Variants in BICD1 observed in about 807,000 individuals in gnomAD.
BICD1 encodes protein bicaudal D homolog 1.
A neutral mutation model predicts 92.5 loss-of-function variants in BICD1; 35 were observed. The observed-to-expected ratio is 0.38, with a 90% confidence interval of 0.29 to 0.50. BICD1 has a LOEUF of 0.50. BICD1 is among the 20% of genes least tolerant of loss of function. BICD1 has a pLI of 0.93. For missense variants in BICD1, 950 were observed against 1,189.8 expected (o/e 0.80, Z 2.97); for synonymous variants, 429 against 465.1 (o/e 0.92, Z 1.00).
chr12:32,218,300 C>T (rs1250654099), intron 2 of BICD1, among the ~76,000 whole-genome samples: 1 of 152,206 alleles, frequency 6.6e-6, no homozygotes, highest in Non-Finnish European at 1.5e-5. Context: ...AGGGGCCTTT[C>T]ATTCAGATCA....
At chr12:32,297,798 A>C (rs1947915377) in intron 3 of BICD1, among the ~76,000 whole-genome samples, 1 of 96,834 alleles carries the variant, frequency 1.0e-5, no homozygotes. Context: ...CTTTCTATAA[A>C]GAGTCTATTT....
intron 8 of BICD1, among the ~76,000 whole-genome samples, chr12:32,345,342 AC>A (rs909562923): frequency 9.2e-5 from 14 of 152,188 alleles, no homozygotes; most frequent in African/African-American, 3.1e-4. Context: ...GTTGAGAAAT[AC>A]ATTTTTATAC....
chr12:32,128,446 A>G (rs1482066265), intron 1 of BICD1, among the ~76,000 whole-genome samples: 1 of 152,240 alleles, frequency 6.6e-6, no homozygotes, highest in East Asian at 1.9e-4. Context: ...CTCTATATAC[A>G]TAAATGGTCT....
intron 9 of BICD1, among the ~76,000 whole-genome samples, chr12:32,375,193 G>A (rs1290434523): frequency 6.6e-6 from 1 of 151,734 alleles, no homozygotes; most frequent in African/African-American, 2.4e-5. Context: ...CTGAAGTGCT[G>A]GGATTACAGG....
At chr12:32,361,205 C>T (rs536663061) in intron 8 of BICD1, among the ~76,000 whole-genome samples, 203 of 152,200 alleles carry the variant, frequency 1.3e-3, no homozygotes, top group African/African-American at 4.5e-3. Context: ...GTGCACAAAC[C>T]GGAACAAGGT....
chr12:32,295,498 C>T (rs1351605884), intron 3 of BICD1, among the ~76,000 whole-genome samples: 1 of 151,916 alleles, frequency 6.6e-6, no homozygotes, highest in Non-Finnish European at 1.5e-5. Context: ...ACTTAGAAGC[C>T]AGCCCAGATG....
intron 1 of BICD1, among the ~76,000 whole-genome samples, chr12:32,145,801 A>C (rs1943083384): frequency 1.3e-5 from 2 of 152,344 alleles, no homozygotes; most frequent in Non-Finnish European, 2.9e-5. Context: ...TTTTCTGTAT[A>C]TTTGTACATC....
At chr12:32,317,463 A>G (rs945002600) in intron 4 of BICD1, among the ~76,000 whole-genome samples, 5 of 152,138 alleles carry the variant, frequency 3.3e-5, no homozygotes, top group Admixed American at 6.6e-5. Context: ...GCCAGTGATG[A>G]TGAGCATTTT....
At chr12:32,299,041 A>G (rs1012200072) in intron 3 of BICD1, among the ~76,000 whole-genome samples, 1 of 152,192 alleles carries the variant, frequency 6.6e-6, no homozygotes, top group African/African-American at 2.4e-5. Flanking sequence ...TTGTAGTCCC[A>G]ATAGGGACTC....
intron 2 of BICD1, among the ~76,000 whole-genome samples, chr12:32,251,540 A>G (rs1376625599): frequency 6.6e-6 from 1 of 151,954 alleles, no homozygotes; most frequent in East Asian, 1.9e-4. Context: ...TAACACTCAT[A>G]TATTGTTTCA....
chr12:32,115,544 C>A (rs767200670), intron 1 of BICD1, among the ~76,000 whole-genome samples: 9 of 151,838 alleles, frequency 5.9e-5, no homozygotes, highest in Non-Finnish European at 1.2e-4. Context: ...GAAAATGAGA[C>A]CGATTAGGGA....
rs1005811776 is a variant in BICD1, at chr12:32,380,554, C to T, written c.*2927C>T. ...CAATATTGAATAGTATGGAGAAATG[C>T]TTTTCTCCTGAGGATTTTCCTTAAT... is the stretch of plus-strand genomic sequence containing the variant. On this transcript the variant is annotated 3_prime_UTR_variant, in exon 10 of 10. Coordinates refer to ENST00000652176, the MANE Select transcript of BICD1 (RefSeq NM_001714.4). 1.3e-5 allele frequency: 2 copies of T among 152,072 alleles called. No homozygotes were observed. Among genetic ancestry groups the T allele is most frequent in the African/African-American group, 2.4e-5 (1 of 41,418 alleles). 9.4% of individuals were successfully genotyped at this position (152,072 alleles called of 1,614,324 possible).
At chr12:32,274,677 A>G (rs1376483758) in intron 2 of BICD1, among the ~76,000 whole-genome samples, 3 of 152,226 alleles carry the variant, frequency 2.0e-5, no homozygotes, top group Admixed American at 6.5e-5. Flanking sequence ...AAAGACAGAG[A>G]TAACAATAAT....
chr12:32,303,066 C>T (rs1948106175), intron 3 of BICD1, among the ~76,000 whole-genome samples: 1 of 151,534 alleles, frequency 6.6e-6, no homozygotes, highest in Non-Finnish European at 1.5e-5. Context: ...TCCCGAATAG[C>T]TGGGACTATA....
rs115920921 is a variant in BICD1, at chr12:32,185,545, G to A, written c.214-30702G>A. Among the ~76,000 whole-genome samples, 483 of 152,246 alleles carry A rather than the reference G, an allele frequency of 3.2e-3. 6 individuals carry two copies. Among genetic ancestry groups the A allele is most frequent in the African/African-American group, 0.011 (459 of 41,532 alleles). On this transcript the variant is annotated intron_variant, in intron 1 of 9. Coordinates refer to ENST00000652176, the MANE Select transcript of BICD1 (RefSeq NM_001714.4). ...GTGTTTCAGTAGACAGAAAAAGAACGCAATGGGAACACACACAATGGTTCT... is the reference window on the plus strand; with the variant it reads ...GTGTTTCAGTAGACAGAAAAAGAACACAATGGGAACACACACAATGGTTCT...
chr12:32,153,646 C>T (rs1219851438), intron 1 of BICD1, among the ~76,000 whole-genome samples: 1 of 151,988 alleles, frequency 6.6e-6, no homozygotes, highest in African/African-American at 2.4e-5. Flanking sequence ...GTCACAGCTA[C>T]TCAGGAGGCT....
chr12:32,242,919 G>T (rs1946274398), intron 2 of BICD1, among the ~76,000 whole-genome samples: 1 of 152,090 alleles, frequency 6.6e-6, no homozygotes, highest in Non-Finnish European at 1.5e-5. Flanking sequence ...CCTCGATCTT[G>T]TTAGCTATTA....
At chr12:32,280,715 T>A (rs1947389350) in intron 2 of BICD1, among the ~76,000 whole-genome samples, 2 of 152,222 alleles carry the variant, frequency 1.3e-5, no homozygotes, top group Non-Finnish European at 2.9e-5. Context: ...TGGCACGTCC[T>A]GAAGTCCTTC....
intron 1 of BICD1, among the ~76,000 whole-genome samples, chr12:32,195,889 A>G (rs527966764): frequency 1.3e-5 from 2 of 152,246 alleles, no homozygotes; most frequent in Non-Finnish European, 1.5e-5. Context: ...TTTGATAAGG[A>G]GTTAATATCC....
Sources: allele counts gnomAD v4.1 joint callset (sites outside exome capture counted in the v4.1 genomes callset), GRCh38; gene constraint gnomAD v4.1.1; transcripts MANE v1.5; gene names NCBI Gene and HGNC (gene_info 2026-07-23, HGNC 2026-07-21).